Variants in MARCHF1 observed in about 807,000 individuals in gnomAD.
The protein encoded by MARCHF1 is membrane associated ring-CH-type finger 1.
Under a neutral mutation model 54.2 loss-of-function variants are expected in MARCHF1, and 40 were observed. That is an observed-to-expected ratio of 0.74 (90% CI 0.57 to 0.96). The LOEUF (loss-of-function observed/expected upper bound fraction) is 0.96, where lower values mean the gene tolerates loss of function less well. Among genes scored for constraint, MARCHF1 ranks in the 40% least tolerant of loss-of-function variants. The pLI is 0.00. For missense variants in MARCHF1, 586 were observed against 656.5 expected (o/e 0.89, Z 1.17); for synonymous variants, 236 against 236.3 (o/e 1.00, Z 0.01).
intron 4 of MARCHF1, among the ~76,000 whole-genome samples, chr4:163,840,874 T>C (rs1749318169): frequency 6.6e-6 from 1 of 152,110 alleles, no homozygotes; most frequent in Admixed American, 6.6e-5. Flanking sequence ...TGTATGTGTA[T>C]ATAAAGACAT....
chr4:163,857,708 A>C (rs1749806572), intron 3 of MARCHF1, among the ~76,000 whole-genome samples: 1 of 152,232 alleles, frequency 6.6e-6, no homozygotes, highest in African/African-American at 2.4e-5. Context: ...AATTAATATT[A>C]GGAAAAAATG....
At chr4:163,715,920 A>G (rs1000689866) in intron 4 of MARCHF1, among the ~76,000 whole-genome samples, 8 of 152,224 alleles carry the variant, frequency 5.3e-5, no homozygotes, top group African/African-American at 1.9e-4. Flanking sequence ...ATAATAATAT[A>G]GTTCAGGAAG....
rs1738151888 is a variant in MARCHF1, at chr4:163,527,411, A to C, written c.*1337T>G. The C allele has an allele frequency of 6.6e-6, 1 of 152,124 alleles. No individual in the cohort carries two copies. The highest frequency in any genetic ancestry group is 1.5e-5 in the Non-Finnish European group (1 of 67,972). The allele number at this position is 152,124 out of a possible 1,614,324, so 9.4% of individuals were successfully genotyped here. On this transcript the variant is annotated 3_prime_UTR_variant, in exon 10 of 10. Coordinates refer to ENST00000514618, the MANE Select transcript of MARCHF1 (RefSeq NM_001394959.1). ...CAAGTTGACACCTCATATGGATGAA[A>C]TAAGCCTTACACATTTGATTTAATA...
chr4:163,612,720 C>T lies in MARCHF1; in HGVS notation c.561G>A (p.Arg187=). 6.5e-7 allele frequency: 1 copy of T among 1,535,542 alleles called. No homozygotes were observed. The highest frequency in any genetic ancestry group is 8.7e-7 in the Non-Finnish European group (1 of 1,146,534). Residue 187 remains arginine (R), a synonymous_variant, in exon 7 of 10, where the codon AGG becomes AGA. Transcript: ENST00000514618. ...AQVKFRLSRR[R]RRNNNKPCEN... ...CACACGGCTTATTATTATTTCTCCT[C>T]CTTCTTCTTGACAGTCTGAATTTAA...
intron 3 of MARCHF1, among the ~76,000 whole-genome samples, chr4:163,888,236 C>T (rs1750581767): frequency 6.6e-6 from 1 of 151,902 alleles, no homozygotes; most frequent in Admixed American, 6.6e-5. Context: ...ATGAAATGGC[C>T]CTCAGAGCCA....
intron 1 of MARCHF1, among the ~76,000 whole-genome samples, chr4:164,327,517 GA>G (rs1316103082): frequency 6.6e-6 from 1 of 151,968 alleles, no homozygotes; most frequent in African/African-American, 2.4e-5. Context: ...GGAAAGAGAG[GA>G]AAAAAATAGT....
chr4:163,612,043 C>T (rs1173033363), intron 7 of MARCHF1, among the ~76,000 whole-genome samples: 1 of 152,068 alleles, frequency 6.6e-6, no homozygotes, highest in African/African-American at 2.4e-5. Context: ...AATCATTATT[C>T]AGTTTAAAGG....
chr4:164,073,502 G>T (rs866483611), intron 2 of MARCHF1, among the ~76,000 whole-genome samples: 2 of 152,010 alleles, frequency 1.3e-5, no homozygotes, highest in Non-Finnish European at 2.9e-5. Flanking sequence ...GTCAGGGAGT[G>T]GGGGGCAGGG....
At chr4:164,141,939 A>AGGTCAGTGG (rs1560923700) in intron 1 of MARCHF1, among the ~76,000 whole-genome samples, 2 of 150,994 alleles carry the variant, frequency 1.3e-5, no homozygotes, top group Admixed American at 6.6e-5. Flanking sequence ...AGTGCCAGAC[A>AGGTCAGTGG]GTGGGCGCAG....
At chr4:164,262,131 G>T (rs1351700150) in intron 1 of MARCHF1, among the ~76,000 whole-genome samples, 1 of 144,730 alleles carries the variant, frequency 6.9e-6, no homozygotes, top group Non-Finnish European at 1.5e-5. Context: ...AAAAAGAATA[G>T]AGAGAATGCT....
intron 4 of MARCHF1, among the ~76,000 whole-genome samples, chr4:163,768,513 A>C (rs1306353579): frequency 6.6e-6 from 1 of 152,250 alleles, no homozygotes; most frequent in Admixed American, 6.5e-5. Context: ...TCTGTCAAAC[A>C]TGAAGATTGT....
At chr4:163,818,798 C>A (rs959772926) in intron 4 of MARCHF1, among the ~76,000 whole-genome samples, 1 of 152,102 alleles carries the variant, frequency 6.6e-6, no homozygotes, top group Non-Finnish European at 1.5e-5. Flanking sequence ...ATCTTATGAA[C>A]CTCATGGTCA....
intron 3 of MARCHF1, among the ~76,000 whole-genome samples, chr4:163,986,196 G>C (rs1009291589): frequency 7.1e-6 from 1 of 140,374 alleles, no homozygotes; most frequent in Non-Finnish European, 1.5e-5. Flanking sequence ...TCTCTTTTTA[G>C]AAATTATACG....
At chr4:164,269,126 G>T (rs1290563550) in intron 1 of MARCHF1, among the ~76,000 whole-genome samples, 2 of 152,136 alleles carry the variant, frequency 1.3e-5, no homozygotes, top group Admixed American at 6.5e-5. Flanking sequence ...ACAAGGCAAA[G>T]TCACTTACAT....
intron 1 of MARCHF1, among the ~76,000 whole-genome samples, chr4:164,185,847 T>C (rs1240986306): frequency 1.3e-5 from 2 of 151,976 alleles, no homozygotes; most frequent in South Asian, 2.1e-4. Context: ...TTAAAGTTCT[T>C]AGCAAGAGTC....
At chr4:163,645,753 A>C (rs1742728444) in intron 5 of MARCHF1, among the ~76,000 whole-genome samples, 1 of 152,182 alleles carries the variant, frequency 6.6e-6, no homozygotes. Context: ...AGAATTAAAA[A>C]GCTTGAAGAC....
chr4:163,813,970 C>T (rs1026493563), intron 4 of MARCHF1, among the ~76,000 whole-genome samples: 1 of 152,116 alleles, frequency 6.6e-6, no homozygotes, highest in Admixed American at 6.5e-5. Flanking sequence ...GGCATAAAAC[C>T]CCTTGTGGCT....
chr4:164,306,516 C>T (rs1169403317), intron 1 of MARCHF1, among the ~76,000 whole-genome samples: 3 of 152,102 alleles, frequency 2.0e-5, no homozygotes, highest in Non-Finnish European at 4.4e-5. Context: ...TGCAGTAAAA[C>T]GATTTGTTTC....
intron 8 of MARCHF1, among the ~76,000 whole-genome samples, chr4:163,557,154 G>A (rs1374680921): frequency 6.6e-6 from 1 of 152,086 alleles, no homozygotes; most frequent in Non-Finnish European, 1.5e-5. Flanking sequence ...GACTCGGTAT[G>A]TTTGGAAATC....
Sources: gnomAD v4.1 joint callset for allele counts (sites outside exome capture counted in the v4.1 genomes callset) on GRCh38, gnomAD v4.1.1 for gene constraint, MANE v1.5 for transcripts, NCBI Gene and HGNC (gene_info 2026-07-23, HGNC 2026-07-21) for gene names.